The following MGMT variants were observed in gnomAD, a reference collection of about 807,000 sequenced individuals.
MGMT encodes O-6-methylguanine-DNA methyltransferase, also known as methylated-DNA--protein-cysteine methyltransferase.
In MGMT, 14 loss-of-function variants were observed where a neutral mutation model predicts 15.9. The observed-to-expected ratio is 0.88, with a 90% confidence interval of 0.58 to 1.37. The LOEUF (loss-of-function observed/expected upper bound fraction) is 1.37, where lower values mean the gene tolerates loss of function less well. Ranked by LOEUF, MGMT falls within the 40% of genes most tolerant of loss-of-function variation. The pLI, the probability that MGMT is intolerant of heterozygous loss-of-function variation, is 0.00. For missense variants in MGMT, 282 were observed against 268.1 expected (o/e 1.05, Z -0.36); for synonymous variants, 130 against 118.2 (o/e 1.10, Z -0.65).
At chr10:129,747,534 G>GA (rs1216621810) in intron 3 of MGMT, among the ~76,000 whole-genome samples, 1 of 152,128 alleles carries the variant, frequency 6.6e-6, no homozygotes, top group African/African-American at 2.4e-5. Context: ...CAGAAAAATT[G>GA]AAAAATCAGT....
At chr10:129,514,778 C>G (rs907108612) in intron 1 of MGMT, among the ~76,000 whole-genome samples, 6 of 152,206 alleles carry the variant, frequency 3.9e-5, no homozygotes, top group African/African-American at 7.2e-5. Flanking sequence ...ACTGAATCTG[C>G]CGGCGCCTTG....
intron 1 of MGMT, among the ~76,000 whole-genome samples, chr10:129,530,520 TG>T (rs1246348521): frequency 6.6e-6 from 1 of 152,206 alleles, no homozygotes; most frequent in African/African-American, 2.4e-5. Context: ...TGATCGTTCC[TG>T]GTTTGTTTCC....
intron 1 of MGMT, among the ~76,000 whole-genome samples, chr10:129,472,223 G>T (rs74162160): frequency 0.081 from 12,308 of 152,108 alleles, 661 homozygotes; most frequent in East Asian, 0.29. Context: ...GCCGTGTGTG[G>T]GAGTGATGCT....
intron 3 of MGMT, among the ~76,000 whole-genome samples, chr10:129,728,411 G>T (rs140300361): frequency 9.6e-4 from 146 of 152,262 alleles, no homozygotes; most frequent in African/African-American, 3.3e-3. Context: ...CCAGAGGAAG[G>T]GGCCAAGGGG....
intron 2 of MGMT, among the ~76,000 whole-genome samples, chr10:129,580,142 G>A (rs534282914): frequency 5.3e-5 from 8 of 152,308 alleles, no homozygotes; most frequent in Non-Finnish European, 1.2e-4. Flanking sequence ...CATAGGGTGT[G>A]TTGCCGTCTC....
chr10:129,703,169 G>C (rs527632653), intron 2 of MGMT, among the ~76,000 whole-genome samples: 27 of 152,264 alleles, frequency 1.8e-4, no homozygotes, highest in African/African-American at 6.0e-4. Context: ...AATAGAGAAA[G>C]AGTTAAAAAG....
chr10:129,734,716 T>C (rs1167380301), intron 3 of MGMT, among the ~76,000 whole-genome samples: 3 of 152,144 alleles, frequency 2.0e-5, no homozygotes, highest in Non-Finnish European at 2.9e-5. Context: ...ATAGCACTTA[T>C]TATTTTGAGA....
intron 2 of MGMT, among the ~76,000 whole-genome samples, chr10:129,613,006 C>A (rs1167688452): frequency 2.0e-5 from 3 of 152,076 alleles, no homozygotes; most frequent in Admixed American, 2.0e-4. Context: ...GAGTTCAGAC[C>A]CACTACACAG....
chr10:129,632,138 G>A (rs144577079), intron 2 of MGMT, among the ~76,000 whole-genome samples: 14 of 152,220 alleles, frequency 9.2e-5, no homozygotes, highest in Admixed American at 3.9e-4. Context: ...ATGCACCAGC[G>A]TATGCATTGT....
chr10:129,692,930 G>T (rs1048032049), intron 2 of MGMT, among the ~76,000 whole-genome samples: 1 of 152,262 alleles, frequency 6.6e-6, no homozygotes, highest in African/African-American at 2.4e-5. Flanking sequence ...CAGTGACGCA[G>T]CACCACGGTA....
At chr10:129,561,719 C>T (rs1421051615) in intron 2 of MGMT, among the ~76,000 whole-genome samples, 2 of 152,046 alleles carry the variant, frequency 1.3e-5, no homozygotes, top group South Asian at 2.1e-4. Flanking sequence ...GCTATGTCTG[C>T]AGTGTTACCA....
intron 1 of MGMT, among the ~76,000 whole-genome samples, 172 bp from the exon 2 acceptor site, chr10:129,536,069 T>C (rs2119758896): frequency 6.6e-6 from 1 of 152,338 alleles, no homozygotes; most frequent in South Asian, 2.1e-4. Context: ...GGTGGTAATT[T>C]TCTGTCTTCA....
intron 2 of MGMT, among the ~76,000 whole-genome samples, chr10:129,707,040 T>C (rs1262738812): frequency 6.6e-6 from 1 of 151,872 alleles, no homozygotes; most frequent in Admixed American, 6.6e-5. Flanking sequence ...CGCGGGCGGA[T>C]CACCTGAGGT....
intron 2 of MGMT, among the ~76,000 whole-genome samples, chr10:129,683,339 A>G (rs1847873478): frequency 6.6e-6 from 1 of 152,174 alleles, no homozygotes; most frequent in Non-Finnish European, 1.5e-5. Flanking sequence ...AAAGAAAGGA[A>G]ACTCTTAGGC....
chr10:129,632,037 T>C (rs888853121), intron 2 of MGMT, among the ~76,000 whole-genome samples: 1 of 152,110 alleles, frequency 6.6e-6, no homozygotes, highest in Non-Finnish European at 1.5e-5. Context: ...GCGCCCAGCT[T>C]TCTAGTTTGT....
At chr10:129,703,590 A>C (rs1163391010) in intron 2 of MGMT, among the ~76,000 whole-genome samples, 4 of 152,142 alleles carry the variant, frequency 2.6e-5, no homozygotes, top group African/African-American at 9.7e-5. Context: ...CTCGCCAACC[A>C]ATCCCACATC....
intron 2 of MGMT, among the ~76,000 whole-genome samples, chr10:129,623,252 A>T (rs570282450): frequency 2.8e-4 from 42 of 152,318 alleles, no homozygotes; most frequent in South Asian, 1.2e-3. Context: ...CTGTGAACAG[A>T]CAAGTTTGCC....
intron 2 of MGMT, among the ~76,000 whole-genome samples, chr10:129,652,230 ACTCTC>A (rs1161709465): frequency 6.6e-6 from 1 of 151,570 alleles, no homozygotes; most frequent in African/African-American, 2.4e-5. Context: ...TGCGGAGAAC[ACTCTC>A]CTCTCCCAGC....
chr10:129,534,315 G>A (rs929709028), intron 1 of MGMT, among the ~76,000 whole-genome samples: 37 of 152,240 alleles, frequency 2.4e-4, no homozygotes, highest in East Asian at 7.8e-4. Flanking sequence ...AGGGTGAGAT[G>A]TTGAAGGAGT....
Sources: allele counts gnomAD v4.1 joint callset (sites outside exome capture counted in the v4.1 genomes callset), GRCh38; gene constraint gnomAD v4.1.1; transcripts MANE v1.5; gene names NCBI Gene and HGNC (gene_info 2026-07-23, HGNC 2026-07-21).